RECK: variants seen among roughly 807,000 people sequenced by gnomAD.
RECK encodes reversion inducing cysteine rich protein with kazal motifs.
In RECK, 69 loss-of-function variants were observed where a neutral mutation model predicts 115.1. That is an observed-to-expected ratio of 0.60 (90% CI 0.49 to 0.73). The LOEUF is 0.73. Ranked by LOEUF, RECK falls within the 30% of genes least tolerant of loss-of-function variation. The pLI, the probability that RECK is intolerant of heterozygous loss-of-function variation, is 0.00. For missense variants in RECK, 1,047 were observed against 1,203.7 expected (o/e 0.87, Z 1.93); for synonymous variants, 414 against 419.7 (o/e 0.99, Z 0.17).
At chr9:36,113,692 T>C (rs1208007418) in intron 16 of RECK, among the ~76,000 whole-genome samples, 1 of 152,106 alleles carries the variant, frequency 6.6e-6, no homozygotes, top group Non-Finnish European at 1.5e-5. Context: ...AATGACACAC[T>C]GGAAGGAATA....
At chr9:36,069,300 G>A (rs998019854) in intron 6 of RECK, among the ~76,000 whole-genome samples, 1 of 152,056 alleles carries the variant, frequency 6.6e-6, no homozygotes, top group African/African-American at 2.4e-5. Context: ...AGCACTTCGG[G>A]AGGCTGAGGC....
chr9:36,094,079 T>C lies in RECK; in HGVS notation c.1085+2736T>C, dbSNP rs1363225450. The stretch of plus-strand genomic sequence containing the variant: ...CAACCTCAGAATTTTCTGCCAGCAA[T>C]CTCTCACTACAAGAAATTCTTCAGT... On this transcript the variant is annotated intron_variant, in intron 10 of 20. Coordinates refer to ENST00000377966, the MANE Select transcript of RECK (RefSeq NM_021111.3). The surrounding 1 kb of genome is among the most constrained non-coding windows in gnomAD (Gnocchi z 4.1). 6.6e-6 allele frequency among the ~76,000 whole-genome samples: 1 copy of C among 152,044 alleles called. No homozygotes were observed. The highest frequency in any genetic ancestry group is 1.5e-5 in the Non-Finnish European group (1 of 67,966).
rs751872845 is a variant in RECK at position 36,083,355 on chromosome 9, T to C, written c.440-10T>C. ...TTCCATGTCAGTGCCTTCTCTTTTT[T>C]TCTCCATAGTGGGCTCGGTTTGTTG... On this transcript the variant is annotated splice_polypyrimidine_tract_variant and intron_variant, in intron 7 of 20. Transcript: ENST00000377966. 1.9e-6 allele frequency: 3 copies of C among 1,609,910 alleles called. No individual in the cohort carries two copies. In the Admixed American group the frequency reaches 5.0e-5, roughly 27 times the overall value.
At chr9:36,051,701 A>G (rs981193603) in intron 1 of RECK, among the ~76,000 whole-genome samples, 1 of 152,110 alleles carries the variant, frequency 6.6e-6, no homozygotes, top group Non-Finnish European at 1.5e-5. Flanking sequence ...TCTTCTCACT[A>G]GAAACTCTCC....
At chr9:36,065,725 C>A in intron 6 of RECK, 101 bp downstream of exon 6, 1 of 949,314 alleles carries the variant, frequency 1.1e-6, no homozygotes. Flanking sequence ...TATACAACTT[C>A]CCTTTTACCT....
At chr9:36,048,070 A>ATTTGAAGAGAG (rs1414368664) in intron 1 of RECK, among the ~76,000 whole-genome samples, 1 of 148,658 alleles carries the variant, frequency 6.7e-6, no homozygotes, top group Non-Finnish European at 1.5e-5. Flanking sequence ...GAAGTTGTAC[A>ATTTGAAGAGAG]GATTTCATTT....
chr9:36,113,333 G>A (rs372253762), intron 16 of RECK, among the ~76,000 whole-genome samples: 1 of 152,138 alleles, frequency 6.6e-6, no homozygotes, highest in Non-Finnish European at 1.5e-5. Flanking sequence ...GGAGGGAGGG[G>A]GAGACTCTCT....
At chr9:36,074,671 T>C (rs538912873) in intron 6 of RECK, among the ~76,000 whole-genome samples, 18 of 152,324 alleles carry the variant, frequency 1.2e-4, no homozygotes, top group Middle Eastern at 3.4e-3. Flanking sequence ...TATTCAAGGT[T>C]CTTTGTAACA....
Position 36,103,634 on chromosome 9 carries a change from GGATTTGTAGCTGGTA to G in RECK, c.1435+1436_1435+1450del, listed in dbSNP as rs575172301. Among the ~76,000 whole-genome samples, 609 of 152,296 alleles carry G rather than the reference GGATTTGTAGCTGGTA, an allele frequency of 4.0e-3. 3 individuals are homozygous for G. The highest frequency in any genetic ancestry group is 6.1e-3 in the Non-Finnish European group (412 of 68,030). On this transcript the variant is annotated intron_variant, in intron 12 of 20. Coordinates refer to ENST00000377966, the MANE Select transcript of RECK (RefSeq NM_021111.3). Reference sequence around the variant, plus strand: ...AATCAGGGAGAGAAAAGTATGTGCTGGATTTGTAGCTGGTAGATTTGTAGCTGGTAGATTTGTAGC... The same window carrying G: ...AATCAGGGAGAGAAAAGTATGTGCTGGATTTGTAGCTGGTAGATTTGTAGC...
At position 36,063,805 on chromosome 9, in the gene RECK, G is replaced by A; in HGVS notation, c.282G>A (p.Lys94=). Residue 94 remains lysine (K), a synonymous_variant, in exon 5 of 21, where the codon AAG becomes AAA. Coordinates refer to ENST00000377966, the MANE Select transcript of RECK (RefSeq NM_021111.3). The part of the protein sequence containing the change: ...CMNSSLPGVF[K]KSDGWVGLGC... ...CATTTTGTTTTTAAGGTGTGTTTAA[G>A]AAGTCTGATGGCTGGGTTGGCTTAG... is the stretch of plus-strand genomic sequence containing the variant. The A allele has an allele frequency of 6.2e-7, 1 of 1,613,970 alleles. No individual in the cohort carries two copies. The highest frequency in any genetic ancestry group is 2.2e-5 in the East Asian group (1 of 44,878).
intron 7 of RECK, among the ~76,000 whole-genome samples, chr9:36,081,069 T>A (rs1379307516): frequency 6.6e-6 from 1 of 152,054 alleles, no homozygotes; most frequent in Non-Finnish European, 1.5e-5. Flanking sequence ...AAAGAAGGGA[T>A]CATATTCTGC....
In RECK at chr9:36,120,586, C is replaced by CTGG. The variant is rs561408249; in HGVS notation, c.2465-76_2465-74dup. On this transcript the variant is annotated intron_variant, in intron 18 of 20. Coordinates refer to ENST00000377966, the MANE Select transcript of RECK (RefSeq NM_021111.3). ...TAACTCTCCTGCCCAAAATGAAGGG[C>CTGG]TGGACATTTCACTAAGGATTTTAAA... 6.8e-4 allele frequency: 810 copies of CTGG among 1,197,456 alleles called. 11 individuals carry two copies. In the South Asian group the frequency reaches 9.5e-3, roughly 14 times the overall value. The allele number at this position is 1,197,456 out of a possible 1,614,324, so 74.2% of individuals were successfully genotyped here.
At chr9:36,112,500 T>C in intron 16 of RECK, 24 bp downstream of exon 16, 1 of 1,609,656 alleles carries the variant, frequency 6.2e-7, no homozygotes, top group East Asian at 2.2e-5. Flanking sequence ...CTTCTTATTT[T>C]ATTCAACTGA....
rs561725701 is a variant in RECK at position 36,065,228 on chromosome 9, T to TAAA, written c.358-324_358-322dup. Among the ~76,000 whole-genome samples the TAAA allele has an allele frequency of 5.5e-3, 280 of 50,532 alleles. 23 individuals carry two copies. The East Asian group carries it at 0.078, about 14-fold the overall frequency. The allele number at this position is 50,532 out of a possible 152,430, so 33.2% of individuals were successfully genotyped here. On this transcript the variant is annotated intron_variant, in intron 5 of 20. Coordinates refer to ENST00000377966, the MANE Select transcript of RECK (RefSeq NM_021111.3). The stretch of plus-strand genomic sequence containing the variant: ...AATTTGCTACAGAGTGGAATTCAGC[T>TAAA]AAAAAAAAAAAAAAAAAAAAAAAAA...
At chr9:36,099,651 T>G (rs910727124) in intron 10 of RECK, among the ~76,000 whole-genome samples, 2 of 151,874 alleles carry the variant, frequency 1.3e-5, no homozygotes, top group East Asian at 3.9e-4. Flanking sequence ...GTTTGTTTGT[T>G]TTTGTTTTTT....
chr9:36,042,810 C>G (rs549741907), intron 1 of RECK, among the ~76,000 whole-genome samples: 24 of 152,102 alleles, frequency 1.6e-4, no homozygotes, highest in Admixed American at 9.2e-4. Flanking sequence ...TAAAAGTGTT[C>G]CCTTTTCACC....
intron 10 of RECK, among the ~76,000 whole-genome samples, chr9:36,092,114 A>C (rs1823180616): frequency 6.6e-6 from 1 of 152,192 alleles, no homozygotes; most frequent in Admixed American, 6.5e-5. Flanking sequence ...ATTACTTAAG[A>C]GTGAGAAAAT....
chr9:36,088,342 A>G (rs60096383), intron 9 of RECK, among the ~76,000 whole-genome samples: 3,874 of 152,280 alleles, frequency 0.025, 172 homozygotes, highest in African/African-American at 0.087. Context: ...TGAACTTTTT[A>G]TTATATTGGT....
chr9:36,052,435 C>A, intron 2 of RECK, 112 bp downstream of exon 2: 1 of 683,836 alleles, frequency 1.5e-6, no homozygotes, highest in Non-Finnish European at 2.6e-6. Flanking sequence ...GGGTTCAGGA[C>A]CAGCCAGGAC....
Sources: allele counts gnomAD v4.1 joint callset (sites outside exome capture counted in the v4.1 genomes callset), GRCh38; gene constraint gnomAD v4.1.1; non-coding constraint Gnocchi (gnomAD v3.1); transcripts MANE v1.5; gene names NCBI Gene and HGNC (gene_info 2026-07-23, HGNC 2026-07-21).